KCNIP1: variants seen among roughly 807,000 people sequenced by gnomAD.
KCNIP1 encodes the protein A-type potassium channel modulatory protein KCNIP1.
In KCNIP1, 18 loss-of-function variants were observed where a neutral mutation model predicts 33.0. The observed-to-expected ratio is 0.55, with a 90% CI of 0.38 to 0.81. The LOEUF is 0.81. KCNIP1 is among the 30% of genes least tolerant of loss of function. The pLI is 0.00. For missense variants in KCNIP1, 238 were observed against 271.6 expected (o/e 0.88, Z 0.87); for synonymous variants, 93 against 98.3 (o/e 0.95, Z 0.32).
chr5:170,499,245 A>G (rs572350058), upstream of KCNIP1, among the ~76,000 whole-genome samples: 48 of 152,342 alleles, frequency 3.2e-4, 1 homozygote, highest in South Asian at 9.9e-3. Context: ...TTTCCTATCA[A>G]ACAGATGAAG....
intron 1 of KCNIP1, among the ~76,000 whole-genome samples, chr5:170,412,941 T>C (rs1755234213): frequency 6.6e-6 from 1 of 152,158 alleles, no homozygotes; most frequent in Admixed American, 6.5e-5. Flanking sequence ...CTATCTGACA[T>C]ACCCTTCATT....
intron 1 of KCNIP1, among the ~76,000 whole-genome samples, chr5:170,392,411 A>G (rs751289488): frequency 2.0e-5 from 3 of 152,224 alleles, no homozygotes; most frequent in Non-Finnish European, 4.4e-5. Flanking sequence ...ACTGGAACAC[A>G]CTTGCAAGTG....
At chr5:170,421,128 G>A (rs1208395537) in intron 1 of KCNIP1, among the ~76,000 whole-genome samples, 2 of 152,182 alleles carry the variant, frequency 1.3e-5, no homozygotes, top group African/African-American at 4.8e-5. Context: ...TGGAGGGGGT[G>A]TTGTTGCTGA....
intron 1 of KCNIP1, among the ~76,000 whole-genome samples, chr5:170,704,840 TG>T (rs1292929261): frequency 2.0e-5 from 3 of 152,134 alleles, no homozygotes; most frequent in Non-Finnish European, 4.4e-5. Flanking sequence ...TCCTTGTAGG[TG>T]GGGGGATGCC....
intron 1 of KCNIP1, among the ~76,000 whole-genome samples, chr5:170,653,009 C>T (rs1231815783): frequency 6.6e-6 from 1 of 152,180 alleles, no homozygotes; most frequent in Non-Finnish European, 1.5e-5. Context: ...TTTCACTCTT[C>T]ATTTTTCTTG....
intron 1 of KCNIP1, among the ~76,000 whole-genome samples, chr5:170,405,913 T>A (rs10516074): frequency 0.042 from 6,386 of 152,288 alleles, 173 homozygotes; most frequent in Non-Finnish European, 0.061. Flanking sequence ...GGAAACCTTG[T>A]GTGATTGGCA....
At chr5:170,411,731 T>C (rs548723928) in intron 1 of KCNIP1, among the ~76,000 whole-genome samples, 1 of 152,310 alleles carries the variant, frequency 6.6e-6, no homozygotes, top group African/African-American at 2.4e-5. Context: ...TAATATAAGA[T>C]GTAGTCTCTG....
intron 1 of KCNIP1, among the ~76,000 whole-genome samples, chr5:170,670,040 C>T (rs910006455): frequency 6.6e-6 from 1 of 152,138 alleles, no homozygotes; most frequent in Non-Finnish European, 1.5e-5. Flanking sequence ...AACCAGAGAA[C>T]TGAAAGAACA....
At chr5:170,521,789 C>G (rs1023978059) in intron 1 of KCNIP1, among the ~76,000 whole-genome samples, 1 of 152,170 alleles carries the variant, frequency 6.6e-6, no homozygotes, top group Admixed American at 6.5e-5. Flanking sequence ...TTAGGGTAAC[C>G]CTAGCTGCTA....
chr5:170,390,318 C>T (rs1356385086), intron 1 of KCNIP1, among the ~76,000 whole-genome samples: 2 of 151,492 alleles, frequency 1.3e-5, no homozygotes, highest in South Asian at 4.2e-4. Flanking sequence ...CCATCCTGGG[C>T]AACATGGCGA....
At chr5:170,494,171 C>T (rs962564733) in intron 1 of KCNIP1, among the ~76,000 whole-genome samples, 4 of 152,322 alleles carry the variant, frequency 2.6e-5, no homozygotes, top group African/African-American at 7.2e-5. Context: ...GCACACCCTG[C>T]TCAATGCTCA....
chr5:170,491,120 C>T (rs1757194945), intron 1 of KCNIP1, among the ~76,000 whole-genome samples: 1 of 152,102 alleles, frequency 6.6e-6, no homozygotes, highest in South Asian at 2.1e-4. Context: ...GTTTGCTTAC[C>T]TATCACTGTC....
intron 1 of KCNIP1, among the ~76,000 whole-genome samples, chr5:170,472,589 T>TC (rs1293743279): frequency 1.3e-4 from 4 of 30,136 alleles, no homozygotes; most frequent in South Asian, 2.0e-3. Context: ...CCTCCCACCC[T>TC]CCCCCCCAAG....
At chr5:170,476,129 C>T in intron 1 of KCNIP1, among the ~76,000 whole-genome samples, 1 of 152,120 alleles carries the variant, frequency 6.6e-6, no homozygotes, top group East Asian at 1.9e-4. Flanking sequence ...TGCCACCATG[C>T]CTCGCTAATT....
At chr5:170,697,663 G>C (rs554939646) in intron 1 of KCNIP1, among the ~76,000 whole-genome samples, 1 of 152,288 alleles carries the variant, frequency 6.6e-6, no homozygotes, top group South Asian at 2.1e-4. Context: ...AGGGGTCCTA[G>C]CTCCTCGAGG....
intron 1 of KCNIP1, chr5:170,389,456 G>A (rs1764624491): frequency 6.6e-6 from 1 of 152,170 alleles, no homozygotes; most frequent in African/African-American, 2.4e-5. Flanking sequence ...ACACAGCCTG[G>A]AGACACAGAC....
At chr5:170,359,613 A>G (rs1763447771) in intron 1 of KCNIP1, among the ~76,000 whole-genome samples, 1 of 152,108 alleles carries the variant, frequency 6.6e-6, no homozygotes, top group African/African-American at 2.4e-5. Context: ...CACAGGAAGA[A>G]AGTTTGATTA....
At chr5:170,515,351 T>G (rs896727468) in intron 1 of KCNIP1, among the ~76,000 whole-genome samples, 1 of 152,150 alleles carries the variant, frequency 6.6e-6, no homozygotes, top group Non-Finnish European at 1.5e-5. Context: ...TCCTCCCTGG[T>G]TTTTCCCTTG....
intron 1 of KCNIP1, among the ~76,000 whole-genome samples, chr5:170,591,522 T>C (rs899915964): frequency 1.3e-5 from 2 of 152,230 alleles, no homozygotes; most frequent in Non-Finnish European, 2.9e-5. Context: ...CTTCACGTTG[T>C]TGGACAAACT....
Sources: gnomAD v4.1 joint callset for allele counts (sites outside exome capture counted in the v4.1 genomes callset) on GRCh38, gnomAD v4.1.1 for gene constraint, MANE v1.5 for transcripts, NCBI Gene and HGNC (gene_info 2026-07-23, HGNC 2026-07-21) for gene names.